The following GRAMD1B variants were observed in gnomAD, a reference collection of about 807,000 sequenced individuals.
The protein encoded by GRAMD1B is protein Aster-B.
A neutral mutation model predicts 99.7 loss-of-function variants in GRAMD1B; 37 were observed. That is an observed-to-expected ratio of 0.37 (90% CI 0.29 to 0.49). The LOEUF is 0.49. Among genes scored for constraint, GRAMD1B ranks in the 20% least tolerant of loss-of-function variants. GRAMD1B has a pLI of 0.98. For missense variants in GRAMD1B, 888 were observed against 1,009.2 expected, an observed-to-expected ratio of 0.88 and a Z score of 1.63; for synonymous variants, 427 against 387.6, an observed-to-expected ratio of 1.10 and a Z score of -1.19.
At position 123,467,394 on chromosome 11, in the gene GRAMD1B, CTT is replaced by C. The variant is rs11447711; in HGVS notation, c.375-13401_375-13400del. On this transcript the variant is annotated intron_variant, in intron 1 of 19. Transcript: ENST00000635736. Reference sequence around the variant, plus strand: ...ACGTTGTAGCCTTGGTTTTCAACACCTTTTTTTTTTTTTTTTTTTTTTACTGA... The same window carrying C: ...ACGTTGTAGCCTTGGTTTTCAACACCTTTTTTTTTTTTTTTTTTTTACTGA... Among the ~76,000 whole-genome samples, 211 of 103,326 alleles carry C rather than the reference CTT, an allele frequency of 2.0e-3. 4 individuals are homozygous for C. Among genetic ancestry groups the C allele is most frequent in the East Asian group, 5.8e-3 (18 of 3,080 alleles). The allele number at this position is 103,326 out of a possible 152,430, so 67.8% of individuals were successfully genotyped here.
chr11:123,586,111 C>T (rs1042036728), intron 4 of GRAMD1B, among the ~76,000 whole-genome samples: 2 of 152,196 alleles, frequency 1.3e-5, no homozygotes, highest in African/African-American at 4.8e-5. Flanking sequence ...CCCTTAGCCT[C>T]CGCCTGAGTA....
intron 2 of GRAMD1B, among the ~76,000 whole-genome samples, chr11:123,501,754 G>A (rs1355395945): frequency 6.6e-6 from 1 of 152,102 alleles, no homozygotes; most frequent in Non-Finnish European, 1.5e-5. Flanking sequence ...GATGCCTTTC[G>A]GCCAAATAGG....
At chr11:123,598,006 G>C in intron 7 of GRAMD1B, 1 of 1,263,588 alleles carries the variant, frequency 7.9e-7, no homozygotes, top group Non-Finnish European at 1.2e-6. Context: ...TCCCACTTGA[G>C]TCTTCATATT....
chr11:123,597,865 A>G, intron 7 of GRAMD1B: 2 of 766,352 alleles, frequency 2.6e-6, no homozygotes. Context: ...CTTTAAGAGG[A>G]TTTGGTTGGG....
intron 2 of GRAMD1B, among the ~76,000 whole-genome samples, chr11:123,562,784 GCTT>G (rs1288773387): frequency 2.0e-5 from 3 of 152,194 alleles, no homozygotes; most frequent in Non-Finnish European, 4.4e-5. Context: ...GGGGGTGTTT[GCTT>G]CTTGGAGGGA....
chr11:123,447,778 C>T (rs936957673), intron 1 of GRAMD1B, among the ~76,000 whole-genome samples: 11 of 152,184 alleles, frequency 7.2e-5, no homozygotes, highest in African/African-American at 2.7e-4. Flanking sequence ...ATGAGGCCTC[C>T]AAGTCTGCTT....
chr11:123,445,926 C>A (rs1273627106), intron 1 of GRAMD1B, among the ~76,000 whole-genome samples: 1 of 151,744 alleles, frequency 6.6e-6, no homozygotes, highest in Non-Finnish European at 1.5e-5. Flanking sequence ...TCAAGACATA[C>A]TATTGGGAAA....
At chr11:123,487,372 C>G (rs1937942908) in intron 2 of GRAMD1B, among the ~76,000 whole-genome samples, 1 of 152,096 alleles carries the variant, frequency 6.6e-6, no homozygotes. Context: ...ATTTGCAAGC[C>G]AGGGAACAAG....
In GRAMD1B at chr11:123,373,314, G is replaced by A. The variant is rs75711388; in HGVS notation, c.-176+14515G>A. On this transcript the variant is annotated intron_variant, in intron 1 of 20. Coordinates refer to the GRAMD1B transcript ENST00000638157. ...GGTGTAGATGAGATTTAGATAGCAC[G>A]GGCACTGGTTTTTCTGATGGCCAGT... is the stretch of plus-strand genomic sequence containing the variant. 8.7e-3 allele frequency among the ~76,000 whole-genome samples: 1,322 copies of A among 151,924 alleles called. 20 individuals are homozygous for A. The highest frequency in any genetic ancestry group is 0.029 in the African/African-American group (1,219 of 41,422).
rs929555891 is a variant in GRAMD1B, at chr11:123,561,315, G to A, written c.453-16052G>A. Among the ~76,000 whole-genome samples the A allele has an allele frequency of 2.6e-5, 4 of 152,268 alleles. No homozygotes were observed. The South Asian group carries it at 8.3e-4, about 32-fold the overall frequency. On this transcript the variant is annotated intron_variant, in intron 2 of 19. Coordinates refer to ENST00000635736, the MANE Select transcript of GRAMD1B (RefSeq NM_001387025.1). ...GGGGGTAGGAGCTGGCCAGAGCTGTGGTCAGGAAGATATGGACAGACACTG... is the reference window on the plus strand; with the variant it reads ...GGGGGTAGGAGCTGGCCAGAGCTGTAGTCAGGAAGATATGGACAGACACTG...
intron 1 of GRAMD1B, among the ~76,000 whole-genome samples, chr11:123,422,050 G>C (rs1948456930): frequency 6.6e-6 from 1 of 152,126 alleles, no homozygotes; most frequent in Non-Finnish European, 1.5e-5. Context: ...AGATTACCTA[G>C]CATAACTCAT....
chr11:123,414,217 G>A (rs1948151521), intron 1 of GRAMD1B, among the ~76,000 whole-genome samples: 1 of 152,048 alleles, frequency 6.6e-6, no homozygotes, highest in Non-Finnish European at 1.5e-5. Flanking sequence ...GCTAATTTTT[G>A]TATTTTTAGT....
In GRAMD1B at chr11:123,520,597, C is replaced by T. The variant is rs143694498; in HGVS notation, c.452+39704C>T. 2.4e-3 allele frequency among the ~76,000 whole-genome samples: 371 copies of T among 151,522 alleles called. 3 individuals are homozygous for T. Among genetic ancestry groups the T allele is most frequent in the African/African-American group, 8.7e-3 (359 of 41,350 alleles). On this transcript the variant is annotated intron_variant, in intron 2 of 19. Coordinates refer to ENST00000635736, the MANE Select transcript of GRAMD1B (RefSeq NM_001387025.1). Reference sequence around the variant, plus strand: ...AACAGCCTGGGCAACACAGCGAAACCCCATCTCTACAAAAAATAAAAATAA... The same window carrying T: ...AACAGCCTGGGCAACACAGCGAAACTCCATCTCTACAAAAAATAAAAATAA...
chr11:123,526,618 C>A (rs1942791050), intron 2 of GRAMD1B, among the ~76,000 whole-genome samples: 2 of 152,128 alleles, frequency 1.3e-5, no homozygotes. Flanking sequence ...GGGCCTTTCT[C>A]ACGTCAGCTG....
intron 1 of GRAMD1B, chr11:123,432,047 T>C: frequency 2.5e-6 from 1 of 398,672 alleles, no homozygotes; most frequent in African/African-American, 2.1e-5. Flanking sequence ...TTTGTGTTCT[T>C]GTGCGGAGCA....
chr11:123,482,707 T>C (rs73612074), intron 2 of GRAMD1B, among the ~76,000 whole-genome samples: 2,527 of 152,260 alleles, frequency 0.017, 79 homozygotes, highest in African/African-American at 0.057. Flanking sequence ...TGAAAGTGGA[T>C]GTGGATGCAT....
At chr11:123,426,369 C>T (rs1948650587), upstream of GRAMD1B, among the ~76,000 whole-genome samples, 1 of 152,218 alleles carries the variant, frequency 6.6e-6, no homozygotes, top group Non-Finnish European at 1.5e-5. Flanking sequence ...TCCCAAATCC[C>T]CCATGCTGCA....
At chr11:123,511,502 C>G (rs1941017575) in intron 2 of GRAMD1B, among the ~76,000 whole-genome samples, 2 of 152,042 alleles carry the variant, frequency 1.3e-5, no homozygotes, top group Admixed American at 1.3e-4. Context: ...TGTATTTTTC[C>G]AGACAAGGAG....
chr11:123,612,721 C>A, intron 14 of GRAMD1B, 40 bp from the exon 15 acceptor site: 1 of 1,153,386 alleles, frequency 8.7e-7, no homozygotes, highest in Non-Finnish European at 1.3e-6. Flanking sequence ...GGCAGGCCCA[C>A]CCAGGAAATG....
Sources: allele counts gnomAD v4.1 joint callset (sites outside exome capture counted in the v4.1 genomes callset), GRCh38; gene constraint gnomAD v4.1.1; transcripts MANE v1.5; gene names NCBI Gene and HGNC (gene_info 2026-07-23, HGNC 2026-07-21).